The following NECAP1 variants were observed in gnomAD, a reference collection of about 807,000 sequenced individuals.
NECAP1 encodes the protein adaptin ear-binding coat-associated protein 1.
A neutral mutation model predicts 33.4 loss-of-function variants in NECAP1; 13 were observed. The observed-to-expected ratio is 0.39, with a 90% CI of 0.25 to 0.62. The LOEUF is 0.62. NECAP1 is among the 20% of genes least tolerant of loss of function. NECAP1 has a pLI of 0.52. For missense variants in NECAP1, 272 were observed against 347.4 expected (o/e 0.78, Z 1.73); for synonymous variants, 109 against 125.2 (o/e 0.87, Z 0.86).
chr12:8,093,107 G>A, intron 6 of NECAP1, 52 bp downstream of exon 6: 1 of 1,542,090 alleles, frequency 6.5e-7, no homozygotes, highest in Non-Finnish European at 8.9e-7. Flanking sequence ...TTTTAATTAA[G>A]CAACACCTGT....
chr12:8,095,924 G>A (rs1334676228), intron 7 of NECAP1, 118 bp from the exon 8 acceptor site: 3 of 1,323,218 alleles, frequency 2.3e-6, no homozygotes, highest in South Asian at 1.3e-5. Flanking sequence ...AAGTAGAATT[G>A]CCATGAAGTG....
intron 4 of NECAP1, 125 bp from the exon 5 acceptor site, chr12:8,092,551 C>T (rs958280951): frequency 1.1e-5 from 7 of 661,286 alleles, no homozygotes; most frequent in African/African-American, 3.7e-5. Flanking sequence ...CTGTTTCTCA[C>T]TCTTTTTTAT....
rs934694137 is a variant in NECAP1, at chr12:8,097,474, T to G, written c.*1384T>G. The stretch of plus-strand genomic sequence containing the variant: ...TTCTCTTCTTCACTTTTTCTGACTT[T>G]GGGTCCATTTTCTTTTCATTGCCTC... On this transcript the variant is annotated 3_prime_UTR_variant, in exon 8 of 8. Transcript: ENST00000339754. The G allele has an allele frequency of 6.6e-6, 1 of 152,670 alleles. No homozygotes were observed. The highest frequency in any genetic ancestry group is 1.5e-5 in the Non-Finnish European group (1 of 68,046). 9.5% of individuals were successfully genotyped at this position (152,670 alleles called of 1,614,324 possible).
At chr12:8,085,062 C>T (rs1367452027) in intron 1 of NECAP1, among the ~76,000 whole-genome samples, 1 of 152,030 alleles carries the variant, frequency 6.6e-6, no homozygotes, top group Non-Finnish European at 1.5e-5. Flanking sequence ...CTGTGTTGCC[C>T]AGGCTGGAGT....
At chr12:8,093,236 A>C in intron 6 of NECAP1, 181 bp downstream of exon 6, 1 of 570,044 alleles carries the variant, frequency 1.8e-6, no homozygotes, top group Non-Finnish European at 3.0e-6. Flanking sequence ...ATAGTATCTC[A>C]TAGGTTCTTT....
chr12:8,085,586 G>A (rs926774777), intron 1 of NECAP1, among the ~76,000 whole-genome samples: 1 of 151,530 alleles, frequency 6.6e-6, no homozygotes, highest in African/African-American at 2.4e-5. Flanking sequence ...TTTATTTGCT[G>A]GGTTACCTTT....
At chr12:8,088,436 T>C (rs1187571296) in intron 1 of NECAP1, among the ~76,000 whole-genome samples, 1 of 152,182 alleles carries the variant, frequency 6.6e-6, no homozygotes, top group Non-Finnish European at 1.5e-5. Flanking sequence ...CCTAAATATA[T>C]CCTTCTCTTC....
At chr12:8,087,845 A>T (rs758598797) in intron 1 of NECAP1, among the ~76,000 whole-genome samples, 3 of 152,122 alleles carry the variant, frequency 2.0e-5, no homozygotes, top group Non-Finnish European at 4.4e-5. Context: ...ATCAAGAGGG[A>T]AGAGAATGGG....
intron 3 of NECAP1, 200 bp from the exon 4 acceptor site, chr12:8,091,569 G>A (rs1240784499): frequency 1.7e-6 from 1 of 577,550 alleles, no homozygotes; most frequent in Non-Finnish European, 3.1e-6. Context: ...TGCTGCCACT[G>A]ATCTGACAGG....
chr12:8,083,689 T>C (rs1441211509), intron 1 of NECAP1, among the ~76,000 whole-genome samples: 1 of 150,590 alleles, frequency 6.6e-6, no homozygotes, highest in African/African-American at 2.4e-5. Flanking sequence ...TGGCCTCCCA[T>C]AGTACTGGGA....
intron 3 of NECAP1, 115 bp downstream of exon 3, chr12:8,090,414 C>T: frequency 2.1e-6 from 2 of 936,768 alleles, no homozygotes; most frequent in Non-Finnish European, 3.3e-6. Flanking sequence ...TTTTTTCTTC[C>T]CTTTCTCTAA....
intron 7 of NECAP1, 31 bp downstream of exon 7, chr12:8,095,734 C>A (rs1947588186): frequency 1.9e-6 from 3 of 1,552,060 alleles, no homozygotes; most frequent in African/African-American, 1.4e-5. Flanking sequence ...AGCATACTCT[C>A]AATCAGGGTG....
At chr12:8,087,546 C>G (rs1170405330) in intron 1 of NECAP1, among the ~76,000 whole-genome samples, 1 of 141,658 alleles carries the variant, frequency 7.1e-6, no homozygotes, top group Non-Finnish European at 1.5e-5. Flanking sequence ...TTTTTAGAGA[C>G]AGGGTCTCAC....
At chr12:8,092,003 A>G in intron 4 of NECAP1, 153 bp downstream of exon 4, 1 of 674,580 alleles carries the variant, frequency 1.5e-6, no homozygotes, top group Non-Finnish European at 2.5e-6. Flanking sequence ...TTGTTTCCTT[A>G]GGTCATCTTT....
chr12:8,092,972 C>T lies in NECAP1; in HGVS notation c.593C>T (p.Pro198Leu), dbSNP rs377034976. The part of the protein sequence containing the change: ...PPPPGGKVTI[P>L]PPSSSVAISN... ...CCGCCAGGAGGCAAAGTCACTATTC[C>T]CCCACCATCCTCCTCAGTTGCCATC... The change falls in exon 6 of 8, where the codon CCC becomes CTC. Residue 198 changes from proline to leucine, a missense_variant. Coordinates refer to ENST00000339754, the MANE Select transcript of NECAP1 (RefSeq NM_015509.4). 6.2e-7 allele frequency: 1 copy of T among 1,611,814 alleles called. No homozygotes were observed. The highest frequency in any genetic ancestry group is 8.5e-7 in the Non-Finnish European group (1 of 1,179,008).
rs1313040897 is a variant in NECAP1, at chr12:8,092,617, T to C, written c.384-59T>C. ...ATAAAAGTAAATACACCCAAATTTG[T>C]ATGTCAGACTCTGCTTTCAGGAAAT... On this transcript the variant is annotated intron_variant, in intron 4 of 7. Coordinates refer to ENST00000339754, the MANE Select transcript of NECAP1 (RefSeq NM_015509.4). The C allele has an allele frequency of 4.7e-6, 6 of 1,286,868 alleles. No homozygotes were observed. The East Asian group carries it at 9.6e-5, about 21-fold the overall frequency. The allele number at this position is 1,286,868 out of a possible 1,614,324, so 79.7% of individuals were successfully genotyped here. A position where few individuals can be genotyped will look rare whatever the true frequency, so the allele number is the denominator to read the frequency against.
In NECAP1 at chr12:8,092,850, CTCT is replaced by C; in HGVS notation, c.493-17_493-15del. On this transcript the variant is annotated intron_variant, in intron 5 of 7. Coordinates refer to ENST00000339754, the MANE Select transcript of NECAP1 (RefSeq NM_015509.4). ...ATAAGCCTATGACATCTTTCTCTTG[CTCT>C]TCTTTTTTTCTTTTGTAGAACATTA... The C allele has an allele frequency of 1.3e-6, 2 of 1,576,462 alleles. No individual in the cohort carries two copies. The highest frequency in any genetic ancestry group is 2.3e-5 in the East Asian group (1 of 44,266).
At position 8,093,005 on chromosome 12, in the gene NECAP1, A is replaced by G. The variant is rs1244038568; in HGVS notation, c.626A>G (p.His209Arg). Residue 209 changes from histidine to arginine, a missense_variant, in exon 6 of 8, where the codon CAT (histidine) becomes CGT (arginine). Coordinates refer to ENST00000339754, the MANE Select transcript of NECAP1 (RefSeq NM_015509.4). ...TCCTCCTCAGTTGCCATCAGCAATC[A>G]TGTCACCCCACCACCCATTCCGAAA... ...PPSSSVAISN[H>R]VTPPPIPKSN... The G allele has an allele frequency of 1.9e-6, 3 of 1,613,904 alleles. No individual in the cohort carries two copies. Among genetic ancestry groups the G allele is most frequent in the Admixed American group, 1.7e-5 (1 of 59,968 alleles).
In NECAP1 at chr12:8,096,259, T is replaced by C; in HGVS notation, c.*169T>C. ...CAAGCTGGTTTATGTCACTCCCCTG[T>C]GTTGTTACTTGTACAGCCAAGAAAG... On this transcript the variant is annotated 3_prime_UTR_variant, in exon 8 of 8. Coordinates refer to ENST00000339754, the MANE Select transcript of NECAP1 (RefSeq NM_015509.4). 1.6e-6 allele frequency: 1 copy of C among 645,090 alleles called. No homozygotes were observed. Among genetic ancestry groups the C allele is most frequent in the Non-Finnish European group, 2.7e-6 (1 of 376,794 alleles). 40.0% of individuals were successfully genotyped at this position (645,090 alleles called of 1,614,324 possible).
Sources: allele counts gnomAD v4.1 joint callset (sites outside exome capture counted in the v4.1 genomes callset), GRCh38; gene constraint gnomAD v4.1.1; transcripts MANE v1.5; gene names NCBI Gene and HGNC (gene_info 2026-07-23, HGNC 2026-07-21).